CELSR1: variants seen among roughly 807,000 people sequenced by gnomAD.
CELSR1 encodes adhesion G protein-coupled receptor C1.
A neutral mutation model predicts 249.1 loss-of-function variants in CELSR1; 110 were observed. The ratio of observed to expected loss-of-function variants is 0.44; its 90% CI spans 0.38 to 0.52. The LOEUF (loss-of-function observed/expected upper bound fraction) is 0.52. CELSR1 is among the 20% of genes least tolerant of loss of function. The pLI is 0.00. For missense variants in CELSR1, 4,109 were observed against 4,296.4 expected (o/e 0.96, Z 1.22); for synonymous variants, 2,113 against 1,900.0 (o/e 1.11, Z -2.92).
rs1322423465 is a variant in CELSR1, at chr22:46,473,386, G to A, written c.3545-9041C>T. Among the ~76,000 whole-genome samples, 1 of 152,164 alleles carries A rather than the reference G, an allele frequency of 6.6e-6. No individual in the cohort carries two copies. Among genetic ancestry groups the A allele is most frequent in the Non-Finnish European group, 1.5e-5 (1 of 68,026 alleles). On this transcript the variant is annotated intron_variant, in intron 1 of 34. Transcript: ENST00000674500. This position sits in a 1 kb window ranked among gnomAD's most constrained non-coding sequence, Gnocchi z 6.6. ...TGGGAGGGTCTGCTGAGGACATGGA[G>A]GAGGAAAGGCCAGTTTGTGACCCAC...
chr22:46,381,332 G>C lies in CELSR1; in HGVS notation c.7089-377C>G, dbSNP rs540883374. Among the ~76,000 whole-genome samples the C allele has an allele frequency of 6.6e-6, 1 of 152,330 alleles. No homozygotes were observed. The highest frequency in any genetic ancestry group is 1.9e-4 in the East Asian group (1 of 5,184). On this transcript the variant is annotated intron_variant, in intron 21 of 34. Coordinates refer to ENST00000674500, the MANE Select transcript of CELSR1 (RefSeq NM_001378328.1). This position sits in a 1 kb window ranked among gnomAD's most constrained non-coding sequence, Gnocchi z 6.0. ...TGGGGATGAATCACCCAGTCACTGA[G>C]AACCACGTGAACACGAGGATCCCAG...
Position 46,406,591 on chromosome 22 carries a change from G to A in CELSR1, c.5226+2405C>T, listed in dbSNP as rs550072989. On this transcript the variant is annotated intron_variant, in intron 9 of 34. Transcript: ENST00000674500. This position sits in a 1 kb window ranked among gnomAD's most constrained non-coding sequence, Gnocchi z 5.4. ...ACTCATGATGGGGAGGGCATGTGCTGGGCAGTCCCTCTGTCCACCCGCCAA... is the reference window on the plus strand; with the variant it reads ...ACTCATGATGGGGAGGGCATGTGCTAGGCAGTCCCTCTGTCCACCCGCCAA... 5.3e-5 allele frequency among the ~76,000 whole-genome samples: 8 copies of A among 152,330 alleles called. No individual in the cohort carries two copies. In the East Asian group the frequency reaches 1.3e-3, roughly 26 times the overall value.
chr22:46,364,764 G>T, intron 32 of CELSR1, 28 bp from the exon 33 acceptor site: 1 of 1,596,292 alleles, frequency 6.3e-7, no homozygotes, highest in African/African-American at 1.3e-5. Flanking sequence ...TGCTCAGCAG[G>T]CAGCGGCACT....
In CELSR1 at chr22:46,534,753, G is replaced by C; in HGVS notation, c.2418C>G (p.Thr806=). The C allele has an allele frequency of 1.2e-6, 2 of 1,613,078 alleles. No individual in the cohort carries two copies. Among genetic ancestry groups the C allele is most frequent in the Non-Finnish European group, 1.7e-6 (2 of 1,180,024 alleles). ...CGTTGGCACTGAGGGTAGCAATGGA[G>C]GTGCCCACAGGCCTGTCCTCACTGA... is the stretch of plus-strand genomic sequence containing the variant. The part of the protein sequence containing the change: ...VSVSEDRPVG[T]SIATLSANDE... The change falls in exon 1 of 35, where the codon ACC becomes ACG. Residue 806 remains threonine, a synonymous_variant. Transcript: ENST00000674500. This position sits in a 1 kb window ranked among gnomAD's most constrained non-coding sequence, Gnocchi z 9.7.
chr22:46,437,910 G>A lies in CELSR1; in HGVS notation c.4406+1279C>T, dbSNP rs1043932499. On this transcript the variant is annotated intron_variant, in intron 3 of 34. Coordinates refer to ENST00000674500, the MANE Select transcript of CELSR1 (RefSeq NM_001378328.1). The surrounding 1 kb of genome is among the most constrained non-coding windows in gnomAD (Gnocchi z 4.9). Reference sequence around the variant, plus strand: ...AGGGAGAAGGGATCTTAATGACGACGGGACCAACTCAGTGCAGGCTTGTTT... The same window carrying A: ...AGGGAGAAGGGATCTTAATGACGACAGGACCAACTCAGTGCAGGCTTGTTT... 1.3e-5 allele frequency among the ~76,000 whole-genome samples: 2 copies of A among 152,280 alleles called. No individual in the cohort carries two copies. Among genetic ancestry groups the A allele is most frequent in the Non-Finnish European group, 2.9e-5 (2 of 68,026 alleles).
chr22:46,382,106 C>T, intron 20 of CELSR1, 56 bp from the exon 21 acceptor site: 1 of 1,431,756 alleles, frequency 7.0e-7, no homozygotes. Flanking sequence ...TTCCCCAAGA[C>T]TGCCGTCAGT....
At chr22:46,521,058 C>T (rs1045444562) in intron 1 of CELSR1, among the ~76,000 whole-genome samples, 6 of 152,162 alleles carry the variant, frequency 3.9e-5, no homozygotes, top group East Asian at 1.9e-4. Context: ...TCAGAATTTC[C>T]GTCCTTTTTC....
At chr22:46,439,975 A>T (rs1253822716) in intron 2 of CELSR1, among the ~76,000 whole-genome samples, 1 of 150,570 alleles carries the variant, frequency 6.6e-6, no homozygotes, top group Non-Finnish European at 1.5e-5. Context: ...CCACCCCTGG[A>T]TTCCAACCCG....
At position 46,506,820 on chromosome 22, in the gene CELSR1, G is replaced by C. The variant is rs1002354191; in HGVS notation, c.3544+26807C>G. On this transcript the variant is annotated intron_variant, in intron 1 of 34. Transcript: ENST00000674500. This position sits in a 1 kb window ranked among gnomAD's most constrained non-coding sequence, Gnocchi z 4.1. ...ATAACAGGAAGCTGAGGCCAAGCCC[G>C]GGGGTGTCTTCTCCACGGTCTGTCA... Among the ~76,000 whole-genome samples the C allele has an allele frequency of 6.6e-6, 1 of 152,152 alleles. No homozygotes were observed. Among genetic ancestry groups the C allele is most frequent in the South Asian group, 2.1e-4 (1 of 4,818 alleles).
chr22:46,365,324 C>T lies in CELSR1; in HGVS notation c.8461G>A (p.Ala2821Thr), dbSNP rs118156355. ...TCGCTGTCTGACGAGTGTGAGGAGG[C>T]GTAAGAGCTGCTCTGCTCATCCAGG... ...LSLDEQSSSY[A>T]SSHSSDSEDD... Residue 2821 changes from alanine (A) to threonine (T), a missense_variant, in exon 32 of 35, where the codon GCC becomes ACC. Physicochemically the swap from Ala to Thr is moderately conservative, Grantham distance 58. Coordinates refer to ENST00000674500, the MANE Select transcript of CELSR1 (RefSeq NM_001378328.1). 3.7e-5 allele frequency: 59 copies of T among 1,612,954 alleles called. No homozygotes were observed. The highest frequency in any genetic ancestry group is 6.6e-5 in the South Asian group (6 of 91,082).
intron 2 of CELSR1, among the ~76,000 whole-genome samples, chr22:46,457,218 G>A (rs1376983397): frequency 6.6e-6 from 1 of 152,014 alleles, no homozygotes; most frequent in Admixed American, 6.6e-5. Flanking sequence ...GGTGGTGCAT[G>A]CCTGTAATCC....
At chr22:46,492,018 T>A in intron 1 of CELSR1, among the ~76,000 whole-genome samples, 1 of 152,216 alleles carries the variant, frequency 6.6e-6, no homozygotes, top group Admixed American at 6.5e-5. Context: ...ACCTCGCAAG[T>A]GCCTAGCAAA....
intron 5 of CELSR1, among the ~76,000 whole-genome samples, chr22:46,432,514 C>G (rs1037012900): frequency 6.6e-6 from 1 of 152,222 alleles, no homozygotes; most frequent in Non-Finnish European, 1.5e-5. Context: ...CACGAGCAAG[C>G]GGGGGCACAC....
Position 46,367,617 on chromosome 22 carries a change from G to C in CELSR1, c.8079+112C>G, listed in dbSNP as rs549467079. On this transcript the variant is annotated intron_variant, in intron 28 of 34. Transcript: ENST00000674500. ...CACAGCCACAGGAGGCCCCCACGCG[G>C]GACCCAGGCAGGGCTGGTTTGGGAC... The C allele has an allele frequency of 2.1e-6, 3 of 1,442,684 alleles. No individual in the cohort carries two copies. The African/African-American group carries it at 4.3e-5, about 20-fold the overall frequency. 89.4% of individuals were successfully genotyped at this position (1,442,684 alleles called of 1,614,324 possible).
At position 46,397,665 on chromosome 22, in the gene CELSR1, C is replaced by T. The variant is rs759482920; in HGVS notation, c.5701+9G>A. ...CTGTCACTGAAGGGCCCCGGGAGGG[C>T]GGTCCCACCTTTGTCACAGACGCAG... On this transcript the variant is annotated intron_variant, in intron 12 of 34. Coordinates refer to ENST00000674500, the MANE Select transcript of CELSR1 (RefSeq NM_001378328.1). 6 of 1,474,848 alleles carry T rather than the reference C, an allele frequency of 4.1e-6. No individual in the cohort carries two copies. In the African/African-American group the frequency reaches 4.2e-5, roughly 10 times the overall value. The allele number at this position is 1,474,848 out of a possible 1,614,324, so 91.4% of individuals were successfully genotyped here.
intron 5 of CELSR1, among the ~76,000 whole-genome samples, chr22:46,431,421 C>T (rs1315978900): frequency 1.3e-5 from 2 of 152,186 alleles, no homozygotes; most frequent in Non-Finnish European, 2.9e-5. Flanking sequence ...GACTCGACCT[C>T]CCCCTGCCTA....
At position 46,365,557 on chromosome 22, in the gene CELSR1, G is replaced by A. The variant is rs78308964; in HGVS notation, c.8404+29C>T. ...AAGGGACGTGGGAAAAACAACCCAC[G>A]GGGTCCTCCCCCTCCAGGGAAGCCA... On this transcript the variant is annotated intron_variant, in intron 31 of 34. Coordinates refer to ENST00000674500, the MANE Select transcript of CELSR1 (RefSeq NM_001378328.1). 1,841 of 1,564,350 alleles carry A rather than the reference G, an allele frequency of 1.2e-3. 21 individuals are homozygous for A. The African/African-American group carries it at 0.019, about 16-fold the overall frequency.
At position 46,361,377 on chromosome 22, in the gene CELSR1, A is replaced by G. The variant is rs1223727601; in HGVS notation, c.*1846T>C. 6.6e-6 allele frequency: 1 copy of G among 152,470 alleles called. No homozygotes were observed. Among genetic ancestry groups the G allele is most frequent in the Admixed American group, 6.5e-5 (1 of 15,280 alleles). 9.4% of individuals were successfully genotyped at this position (152,470 alleles called of 1,614,324 possible). A position where few individuals can be genotyped will look rare whatever the true frequency, so the allele number is the denominator to read the frequency against. On this transcript the variant is annotated 3_prime_UTR_variant, in exon 35 of 35. Coordinates refer to ENST00000674500, the MANE Select transcript of CELSR1 (RefSeq NM_001378328.1). ...TTGGTAACAGTTCTGATCAAATTAA[A>G]AATTACACCTCGTGATGTTGGCTGT...
chr22:46,382,567 C>T (rs11704010), intron 20 of CELSR1, among the ~76,000 whole-genome samples: 24,309 of 152,162 alleles, frequency 0.16, 3,043 homozygotes, highest in African/African-American at 0.35. Context: ...TGAGCCACCG[C>T]GCCCGGCCTG....
Sources: gnomAD v4.1 joint callset for allele counts (sites outside exome capture counted in the v4.1 genomes callset) on GRCh38, gnomAD v4.1.1 for gene constraint, Gnocchi (gnomAD v3.1) non-coding constraint, MANE v1.5 for transcripts, NCBI Gene and HGNC (gene_info 2026-07-23, HGNC 2026-07-21) for gene names.